The following RIPK4 variants were observed in gnomAD, a reference collection of about 807,000 sequenced individuals.
RIPK4 encodes the protein receptor interacting serine/threonine kinase 4.
A neutral mutation model predicts 42.9 loss-of-function variants in RIPK4; 17 were observed. That is an observed-to-expected ratio of 0.40 (90% confidence interval 0.27 to 0.59). RIPK4 has a LOEUF of 0.59. RIPK4 is among the 20% of genes least tolerant of loss of function. The probability of loss-of-function intolerance (pLI) is 0.47; values close to 1 mark genes in which losing one functional copy is unlikely to be tolerated. For missense variants in RIPK4, 897 were observed against 1,104.4 expected, an observed-to-expected ratio of 0.81 and a Z score of 2.66; for synonymous variants, 498 against 499.1, an observed-to-expected ratio of 1.00 and a Z score of 0.03.
intron 4 of RIPK4, among the ~76,000 whole-genome samples, chr21:41,747,107 G>A (rs1179092163): frequency 2.6e-5 from 4 of 152,192 alleles, no homozygotes; most frequent in Non-Finnish European, 5.9e-5. Flanking sequence ...ATCTTATGAG[G>A]CTCATTCCAT....
At chr21:41,746,255 ACTC>A in intron 5 of RIPK4, 1 of 586,014 alleles carries the variant, frequency 1.7e-6, no homozygotes, top group Middle Eastern at 2.9e-4. Flanking sequence ...CAGGAAGTCA[ACTC>A]CTCAAGAGAA....
chr21:41,764,963 G>C (rs557618305), intron 1 of RIPK4, among the ~76,000 whole-genome samples: 1 of 152,284 alleles, frequency 6.6e-6, no homozygotes, highest in East Asian at 1.9e-4. Flanking sequence ...GGTAGGAAAG[G>C]CTTCCAGTTA....
intron 1 of RIPK4, 121 bp from the exon 2 acceptor site, chr21:41,756,937 CAT>C: frequency 1.0e-6 from 1 of 963,296 alleles, no homozygotes; most frequent in South Asian, 1.7e-5. Context: ...AGTGCACACA[CAT>C]GGGGCACACT....
intron 1 of RIPK4, among the ~76,000 whole-genome samples, chr21:41,764,896 G>A (rs551725806): frequency 1.8e-4 from 28 of 152,212 alleles, no homozygotes; most frequent in Non-Finnish European, 4.1e-4. Context: ...TTCCTGCTAG[G>A]CGATGCTGAC....
rs112353108 is a variant in RIPK4, at chr21:41,755,455, C to T, written c.474+1070G>A. ...AGGGAGCGGCCGTGCGCATGCCATACGAGCCACCGCTCCCGTCCCACCCAA... is the reference window on the plus strand; with the variant it reads ...AGGGAGCGGCCGTGCGCATGCCATATGAGCCACCGCTCCCGTCCCACCCAA... On this transcript the variant is annotated intron_variant, in intron 2 of 7. Transcript: ENST00000332512. This position sits in a 1 kb window ranked among gnomAD's most constrained non-coding sequence, Gnocchi z 4.2. Among the ~76,000 whole-genome samples, 2,065 of 152,302 alleles carry T rather than the reference C, an allele frequency of 0.014. 37 individuals are homozygous for T. Among genetic ancestry groups the T allele is most frequent in the African/African-American group, 0.047 (1,948 of 41,556 alleles).
At chr21:41,766,121 C>T (rs1481632306) in intron 1 of RIPK4, among the ~76,000 whole-genome samples, 1 of 152,228 alleles carries the variant, frequency 6.6e-6, no homozygotes, top group Non-Finnish European at 1.5e-5. Flanking sequence ...CCTTCCCTAG[C>T]GGGTCGGTCT....
chr21:41,740,960 C>G lies in RIPK4; in HGVS notation c.2233G>C (p.Gly745Arg). 6.2e-7 allele frequency: 1 copy of G among 1,612,302 alleles called. No individual in the cohort carries two copies. The highest frequency in any genetic ancestry group is 8.5e-7 in the Non-Finnish European group (1 of 1,179,852). Reference protein sequence around the residue: ...GLSALHLAAQGRHAQTVETLL... With the variant: ...GLSALHLAAQRRHAQTVETLL... ...GTCTCCACCGTCTGTGCGTGCCGGC[C>G]CTGGGCGGCCAGGTGCAGCGCGCTG... Residue 745 changes from glycine (G) to arginine (R), a missense_variant, in exon 8 of 8, where the codon GGC (glycine) becomes CGC (arginine). Coordinates refer to ENST00000332512, the MANE Select transcript of RIPK4 (RefSeq NM_020639.3).
chr21:41,749,149 C>G lies in RIPK4; in HGVS notation c.673+5G>C. On this transcript the variant is annotated splice_donor_5th_base_variant and intron_variant, in intron 4 of 7. Coordinates refer to ENST00000332512, the MANE Select transcript of RIPK4 (RefSeq NM_020639.3). ...ACATTACACCTCAAAGACAGGTCCA[C>G]TCACCTGCAAACGGCTTCTTCTGTG... is the stretch of plus-strand genomic sequence containing the variant. 6.2e-7 allele frequency: 1 copy of G among 1,613,708 alleles called. No homozygotes were observed. Among genetic ancestry groups the G allele is most frequent in the Non-Finnish European group, 8.5e-7 (1 of 1,179,786 alleles).
In RIPK4 at chr21:41,741,260, C is replaced by T. The variant is rs188966621; in HGVS notation, c.1933G>A (p.Ala645Thr). 73 of 1,608,486 alleles carry T rather than the reference C, an allele frequency of 4.5e-5. No homozygotes were observed. Among genetic ancestry groups the T allele is most frequent in the Non-Finnish European group, 5.8e-5 (69 of 1,179,490 alleles). The change falls in exon 8 of 8, where the codon GCG becomes ACG. Residue 645 changes from alanine (A) to threonine (T), a missense_variant. Transcript: ENST00000332512. ...GCAGTGCTCGTGTGCCCCGTCTCCG[C>T]GGCCACGTGCAGGGGTGTCTGTGCC... ...LLAQTPLHVA[A>T]ETGHTSTARL...
In RIPK4 at chr21:41,742,588, T is replaced by C. The variant is rs991716471; in HGVS notation, c.1196-591A>G. Among the ~76,000 whole-genome samples the C allele has an allele frequency of 2.6e-5, 4 of 152,180 alleles. No homozygotes were observed. Among genetic ancestry groups the C allele is most frequent in the African/African-American group, 7.2e-5 (3 of 41,442 alleles). ...TTAGTCCAGCACTCAGGATGAAAAG[T>C]TGTATTTACCACAAAAATCCTACCG... is the stretch of plus-strand genomic sequence containing the variant. On this transcript the variant is annotated intron_variant, in intron 7 of 7. Transcript: ENST00000332512. This position sits in a 1 kb window ranked among gnomAD's most constrained non-coding sequence, Gnocchi z 5.1.
rs569934718 is a variant in RIPK4 at position 41,742,077 on chromosome 21, G to A, written c.1196-80C>T. ...GCGTCTCTGGGAGCCTGGCTGTGGC[G>A]CTCAGGTGGAGGAGTGCCATGGCCT... is the stretch of plus-strand genomic sequence containing the variant. On this transcript the variant is annotated intron_variant, in intron 7 of 7. Coordinates refer to ENST00000332512, the MANE Select transcript of RIPK4 (RefSeq NM_020639.3). This position sits in a 1 kb window ranked among gnomAD's most constrained non-coding sequence, Gnocchi z 5.1. 1.8e-5 allele frequency: 24 copies of A among 1,300,358 alleles called. No homozygotes were observed. The Middle Eastern group carries it at 6.4e-4, about 35-fold the overall frequency. The allele number at this position is 1,300,358 out of a possible 1,614,324, so 80.6% of individuals were successfully genotyped here.
At chr21:41,752,793 G>A (rs2061192356) in intron 2 of RIPK4, among the ~76,000 whole-genome samples, 1 of 152,164 alleles carries the variant, frequency 6.6e-6, no homozygotes, top group South Asian at 2.1e-4. Context: ...TGGACAGAGG[G>A]AGGGGAACAT....
At chr21:41,753,017 TAAAG>T (rs1208524205) in intron 2 of RIPK4, among the ~76,000 whole-genome samples, 4 of 151,990 alleles carry the variant, frequency 2.6e-5, no homozygotes, top group Admixed American at 2.0e-4. Flanking sequence ...ATAATAAAAA[TAAAG>T]AAAGCATCAC....
chr21:41,743,884 C>G lies in RIPK4; in HGVS notation c.1193G>C (p.Ser398Thr). Residue 398 changes from serine to threonine, a missense_variant and splice_region_variant, in exon 7 of 8, where the codon AGC (serine) becomes ACC (threonine). Transcript: ENST00000332512. The part of the protein sequence containing the change: ...SLSFEREPST[S>T]DLGTTDVQKK... ...GACACAGAGGCGTCCCCACTCACCG[C>G]TGGTTGAAGGTTCCCGCTCAAAGGA... 1 of 1,595,174 alleles carries G rather than the reference C, an allele frequency of 6.3e-7. No homozygotes were observed. Among genetic ancestry groups the G allele is most frequent in the Non-Finnish European group, 8.6e-7 (1 of 1,168,818 alleles).
chr21:41,764,161 G>A (rs1438729861), intron 1 of RIPK4, among the ~76,000 whole-genome samples: 2 of 152,182 alleles, frequency 1.3e-5, no homozygotes, highest in African/African-American at 4.8e-5. Flanking sequence ...GGGCTGGGCG[G>A]CCCCCCAACC....
rs1030476867 is a variant in RIPK4 at position 41,744,036 on chromosome 21, G to A, written c.1041C>T (p.Val347=). 18 of 1,612,936 alleles carry A rather than the reference G, an allele frequency of 1.1e-5. No individual in the cohort carries two copies. Among genetic ancestry groups the A allele is most frequent in the East Asian group, 2.2e-5 (1 of 44,872 alleles). The change falls in exon 7 of 8, where the codon GTC becomes GTT. Residue 347 remains valine, a synonymous_variant. Transcript: ENST00000332512. ...TGCGGCTGAGCTCCTCGGGGCCCTC[G>A]ACAGCCTGGGAAACTCCAGAGTCCA... ...SQLDSGVSQA[V]EGPEELSRSS...
chr21:41,750,984 C>G (rs2061186710), intron 3 of RIPK4, 113 bp downstream of exon 3: 1 of 1,390,258 alleles, frequency 7.2e-7, no homozygotes, highest in African/African-American at 1.4e-5. Flanking sequence ...GGCCCGAGCC[C>G]CATTTCTGAC....
At chr21:41,754,141 A>G (rs2061196179) in intron 2 of RIPK4, among the ~76,000 whole-genome samples, 1 of 152,110 alleles carries the variant, frequency 6.6e-6, no homozygotes, top group African/African-American at 2.4e-5. Context: ...TCTGGATTAC[A>G]GTTTTCCTGC....
rs1176592132 is a variant in RIPK4 at position 41,755,202 on chromosome 21, C to T, written c.474+1323G>A. 6.6e-6 allele frequency among the ~76,000 whole-genome samples: 1 copy of T among 152,214 alleles called. No individual in the cohort carries two copies. Among genetic ancestry groups the T allele is most frequent in the African/African-American group, 2.4e-5 (1 of 41,444 alleles). ...GAACATAAGCAGATGCGGGAAACCA[C>T]CAGAGAGCCCGTTCAAGCCAAGTCA... On this transcript the variant is annotated intron_variant, in intron 2 of 7. Transcript: ENST00000332512. This position sits in a 1 kb window ranked among gnomAD's most constrained non-coding sequence, Gnocchi z 4.2.
Sources: gnomAD v4.1 joint callset for allele counts (sites outside exome capture counted in the v4.1 genomes callset) on GRCh38, gnomAD v4.1.1 for gene constraint, Gnocchi (gnomAD v3.1) non-coding constraint, MANE v1.5 for transcripts, NCBI Gene and HGNC (gene_info 2026-07-23, HGNC 2026-07-21) for gene names.